The following FOXP1 variants were observed in gnomAD, a reference collection of about 807,000 sequenced individuals.
The protein encoded by FOXP1 is forkhead box protein P1.
A neutral mutation model predicts 98.2 loss-of-function variants in FOXP1; 15 were observed. That is an observed-to-expected ratio of 0.15 (90% CI 0.10 to 0.24). The LOEUF (loss-of-function observed/expected upper bound fraction) is 0.24, where lower values mean the gene tolerates loss of function less well. FOXP1 is among the 10% of genes least tolerant of loss of function. The probability of loss-of-function intolerance (pLI) is 1.00; values close to 1 mark genes in which losing one functional copy is unlikely to be tolerated. For missense variants in FOXP1, 633 were observed against 848.5 expected (o/e 0.75, Z 3.15); for synonymous variants, 371 against 314.5 (o/e 1.18, Z -1.90).
chr3:71,310,224 C>T (rs2074587697), intron 4 of FOXP1, among the ~76,000 whole-genome samples: 1 of 152,168 alleles, frequency 6.6e-6, no homozygotes, highest in African/African-American at 2.4e-5. Flanking sequence ...AAAAATCTTC[C>T]ACATGCAGGC....
chr3:70,998,784 G>A (rs2041733102), intron 13 of FOXP1, among the ~76,000 whole-genome samples: 1 of 152,142 alleles, frequency 6.6e-6, no homozygotes, highest in Admixed American at 6.5e-5. Context: ...CAACATGAAA[G>A]CTGCCAGGAA....
At chr3:71,136,819 C>A (rs60022104) in intron 6 of FOXP1, among the ~76,000 whole-genome samples, 65 of 149,060 alleles carry the variant, frequency 4.4e-4, no homozygotes, top group East Asian at 7.8e-4. Context: ...AGAAATACAA[C>A]AAAAAAAAAA....
At chr3:71,250,194 C>T (rs1339945925) in intron 5 of FOXP1, among the ~76,000 whole-genome samples, 1 of 152,174 alleles carries the variant, frequency 6.6e-6, no homozygotes, top group East Asian at 1.9e-4. Flanking sequence ...GCACATGCCC[C>T]CACCGCATTC....
rs918446757 is a variant in FOXP1, at chr3:71,336,762, G to A, written c.-73+22388C>T. ...TGACCGTCAATATCACAAAAAGGAAGACAATAAGATATTATATCCCTCACA... is the reference window on the plus strand; with the variant it reads ...TGACCGTCAATATCACAAAAAGGAAAACAATAAGATATTATATCCCTCACA... On this transcript the variant is annotated intron_variant, in intron 4 of 20. Transcript: ENST00000649528. Among the ~76,000 whole-genome samples, 13 of 152,292 alleles carry A rather than the reference G, an allele frequency of 8.5e-5. 1 individual carries two copies. In the Middle Eastern group the frequency reaches 0.01, roughly 120 times the overall value.
intron 3 of FOXP1, among the ~76,000 whole-genome samples, chr3:71,453,757 A>C (rs571660227): frequency 6.6e-6 from 1 of 152,304 alleles, no homozygotes; most frequent in South Asian, 2.1e-4. Flanking sequence ...TGCTCTTTCA[A>C]AGAGCCCAAG....
chr3:71,296,178 T>C (rs1560261648), intron 5 of FOXP1: 1 of 152,238 alleles, frequency 6.6e-6, no homozygotes, highest in Non-Finnish European at 1.5e-5. Context: ...CATAGTACCT[T>C]TGTAGGCATA....
At chr3:71,113,594 T>C (rs900725912) in intron 6 of FOXP1, among the ~76,000 whole-genome samples, 22 of 151,964 alleles carry the variant, frequency 1.4e-4, no homozygotes, top group Admixed American at 1.4e-3. Context: ...ATGCCTATAA[T>C]CCCAGCTTCT....
intron 3 of FOXP1, among the ~76,000 whole-genome samples, chr3:71,444,990 T>A (rs959569313): frequency 2.0e-5 from 3 of 152,170 alleles, no homozygotes; most frequent in Non-Finnish European, 4.4e-5. Context: ...AAGTGCACAA[T>A]GTGGCCGGGC....
At chr3:71,442,311 T>C (rs1484803475) in intron 3 of FOXP1, among the ~76,000 whole-genome samples, 2 of 151,424 alleles carry the variant, frequency 1.3e-5, no homozygotes, top group Admixed American at 1.3e-4. Context: ...CGTCTTTGTA[T>C]AGGTTTTGCA....
intron 2 of FOXP1, chr3:71,581,250 T>G (rs1419041555): frequency 1.0e-6 from 1 of 982,594 alleles, no homozygotes; most frequent in African/African-American, 1.8e-5. Context: ...AAGAGGGGAG[T>G]GGGGTGAGAA....
intron 2 of FOXP1, among the ~76,000 whole-genome samples, chr3:71,558,142 T>C (rs548027204): frequency 2.6e-5 from 4 of 152,170 alleles, no homozygotes; most frequent in Non-Finnish European, 5.9e-5. Flanking sequence ...CCTCAGAGAA[T>C]CTTCCTTCCC....
In FOXP1 at chr3:71,372,105, A is replaced by G. The variant is rs572239032; in HGVS notation, c.-167-12861T>C. ...TCAGCTCACTGCAACCTCGGCCTCC[A>G]GGGTTCAAGCGATTCTTCTGCCTCA... is the stretch of plus-strand genomic sequence containing the variant. On this transcript the variant is annotated intron_variant, in intron 3 of 20. Transcript: ENST00000649528. 3.2e-3 allele frequency among the ~76,000 whole-genome samples: 477 copies of G among 150,560 alleles called. 1 individual carries two copies. The highest frequency in any genetic ancestry group is 0.011 in the African/African-American group (452 of 40,982).
At chr3:71,266,533 T>C (rs1431279845) in intron 5 of FOXP1, among the ~76,000 whole-genome samples, 1 of 152,228 alleles carries the variant, frequency 6.6e-6, no homozygotes, top group Non-Finnish European at 1.5e-5. Context: ...ATTACAGGCA[T>C]GAGCCACTGC....
chr3:71,402,770 G>A (rs967867126), intron 3 of FOXP1, among the ~76,000 whole-genome samples: 1 of 152,242 alleles, frequency 6.6e-6, no homozygotes, highest in African/African-American at 2.4e-5. Flanking sequence ...AAGGGGAAAA[G>A]TTATAAGAGA....
At chr3:71,547,993 G>A (rs1314836182) in intron 2 of FOXP1, among the ~76,000 whole-genome samples, 2 of 152,204 alleles carry the variant, frequency 1.3e-5, no homozygotes, top group Non-Finnish European at 2.9e-5. Context: ...AATTTCATAA[G>A]AGGACAAAGG....
chr3:70,982,759 A>T (rs1177718781), intron 14 of FOXP1, among the ~76,000 whole-genome samples: 6 of 151,960 alleles, frequency 3.9e-5, no homozygotes, highest in African/African-American at 1.5e-4. Context: ...CTGTTTAAAG[A>T]TGATGAGTCA....
intron 6 of FOXP1, among the ~76,000 whole-genome samples, chr3:71,175,529 A>C (rs535253428): frequency 6.6e-6 from 1 of 152,286 alleles, no homozygotes; most frequent in Non-Finnish European, 1.5e-5. Context: ...TTCAAAGGTG[A>C]GAGAGAGATA....
chr3:71,064,343 T>C (rs1376916800), intron 7 of FOXP1, among the ~76,000 whole-genome samples: 1 of 152,200 alleles, frequency 6.6e-6, no homozygotes, highest in Non-Finnish European at 1.5e-5. Context: ...TCACACGCTC[T>C]GAAAGTGACA....
intron 2 of FOXP1, among the ~76,000 whole-genome samples, chr3:71,500,450 C>T (rs780739607): frequency 2.6e-5 from 4 of 152,192 alleles, no homozygotes; most frequent in Non-Finnish European, 5.9e-5. Context: ...TAACTGATCA[C>T]TTCCCCTCTT....
Sources: allele counts gnomAD v4.1 joint callset (sites outside exome capture counted in the v4.1 genomes callset), GRCh38; gene constraint gnomAD v4.1.1; transcripts MANE v1.5; gene names NCBI Gene and HGNC (gene_info 2026-07-23, HGNC 2026-07-21).